Variants in CNTLN observed in about 807,000 individuals in gnomAD.
The protein encoded by CNTLN is centlein.
Under a neutral mutation model 180.0 loss-of-function variants are expected in CNTLN, and 212 were observed. The ratio of observed to expected loss-of-function variants is 1.18; its 90% confidence interval spans 1.05 to 1.32. The LOEUF (loss-of-function observed/expected upper bound fraction) is 1.32, where lower values mean the gene tolerates loss of function less well. Among genes scored for constraint, CNTLN ranks in the 40% most tolerant of loss-of-function variants. CNTLN has a pLI of 0.00. For synonymous variants in CNTLN, 722 were observed against 563.1 expected (o/e 1.28, Z -3.99); for missense variants, 2,095 against 1,610.9 (o/e 1.30, Z -5.14).
At chr9:17,413,950 GAAC>G (rs1174295320) in intron 16 of CNTLN, among the ~76,000 whole-genome samples, 1 of 152,094 alleles carries the variant, frequency 6.6e-6, no homozygotes, top group Non-Finnish European at 1.5e-5. Context: ...TGAAAACTGG[GAAC>G]AACCAAAATT....
At chr9:17,323,919 G>A (rs1820091994) in intron 8 of CNTLN, among the ~76,000 whole-genome samples, 1 of 152,200 alleles carries the variant, frequency 6.6e-6, no homozygotes, top group East Asian at 1.9e-4. Flanking sequence ...GAGAGGTGAT[G>A]ACAGCGTTGT....
chr9:17,480,357 GCA>G (rs1491276850), intron 23 of CNTLN, among the ~76,000 whole-genome samples: 56 of 17,078 alleles, frequency 3.3e-3, no homozygotes, highest in African/African-American at 4.5e-3. Flanking sequence ...AAAATTAATG[GCA>G]AAAAAAAAAA....
intron 18 of CNTLN, chr9:17,447,870 T>C (rs1830535877): frequency 6.5e-6 from 1 of 152,854 alleles, no homozygotes; most frequent in Non-Finnish European, 1.5e-5. Flanking sequence ...CAATTGTTGG[T>C]GTGGCTGGTC....
intron 5 of CNTLN, among the ~76,000 whole-genome samples, chr9:17,267,913 T>C (rs1811381695): frequency 6.6e-6 from 1 of 152,174 alleles, no homozygotes; most frequent in African/African-American, 2.4e-5. Context: ...CTTCTCTGCA[T>C]TAGTTGTTCT....
At chr9:17,193,098 T>G (rs1821894394) in intron 2 of CNTLN, among the ~76,000 whole-genome samples, 1 of 152,108 alleles carries the variant, frequency 6.6e-6, no homozygotes, top group African/African-American at 2.4e-5. Flanking sequence ...CCCCCATGAT[T>G]CAGTTATCTC....
intron 6 of CNTLN, among the ~76,000 whole-genome samples, chr9:17,274,406 T>A (rs1266911942): frequency 6.6e-6 from 1 of 151,944 alleles, no homozygotes; most frequent in Non-Finnish European, 1.5e-5. Context: ...GAAAATAGTA[T>A]GAGAGAGAAT....
chr9:17,195,929 A>G (rs1189322251), intron 2 of CNTLN, among the ~76,000 whole-genome samples: 1 of 152,216 alleles, frequency 6.6e-6, no homozygotes, highest in Non-Finnish European at 1.5e-5. Context: ...GGTGATCTAC[A>G]TAAGATTAAA....
intron 15 of CNTLN, among the ~76,000 whole-genome samples, chr9:17,395,861 A>T (rs755243279): frequency 5.3e-5 from 8 of 152,236 alleles, no homozygotes; most frequent in Non-Finnish European, 1.0e-4. Context: ...GAGCTGGGTA[A>T]AATGAGGCTG....
chr9:17,312,364 T>TATATAATATATATATATATATA (rs369729227), intron 8 of CNTLN, among the ~76,000 whole-genome samples: 2 of 20,186 alleles, frequency 9.9e-5, no homozygotes, highest in African/African-American at 2.3e-4. Flanking sequence ...TATATATATA[T>TATATAATATATATATATATATA]TATATATATA....
At chr9:17,406,085 T>A (rs1263086355) in intron 15 of CNTLN, among the ~76,000 whole-genome samples, 3 of 151,846 alleles carry the variant, frequency 2.0e-5, no homozygotes, top group African/African-American at 7.3e-5. Context: ...CCACCAAGCC[T>A]ATTTCAGCTG....
At chr9:17,146,224 A>G (rs1818450034) in intron 2 of CNTLN, among the ~76,000 whole-genome samples, 1 of 151,852 alleles carries the variant, frequency 6.6e-6, no homozygotes, top group African/African-American at 2.4e-5. Context: ...TCTTCATTGT[A>G]TTCTTTGTTT....
intron 8 of CNTLN, among the ~76,000 whole-genome samples, chr9:17,312,955 T>G (rs1237983968): frequency 6.6e-6 from 1 of 152,198 alleles, no homozygotes; most frequent in Non-Finnish European, 1.5e-5. Flanking sequence ...TTTTTGTTTC[T>G]CCTTTGAGTT....
At chr9:17,247,092 C>G (rs1333923299) in intron 5 of CNTLN, among the ~76,000 whole-genome samples, 3 of 152,106 alleles carry the variant, frequency 2.0e-5, no homozygotes, top group African/African-American at 7.2e-5. Flanking sequence ...ACTGCCTTTG[C>G]TTAGATGATG....
At chr9:17,430,591 C>T (rs1350758976) in intron 18 of CNTLN, among the ~76,000 whole-genome samples, 2 of 152,066 alleles carry the variant, frequency 1.3e-5, no homozygotes, top group East Asian at 1.9e-4. Flanking sequence ...TTGAAACATA[C>T]AATAAATTAT....
chr9:17,287,564 A>G (rs1322316026), intron 6 of CNTLN, among the ~76,000 whole-genome samples: 1 of 150,036 alleles, frequency 6.7e-6, no homozygotes, highest in African/African-American at 2.5e-5. Flanking sequence ...ATTGATTGGA[A>G]TAGTTTCAGA....
chr9:17,194,893 T>C (rs1381046932), intron 2 of CNTLN, among the ~76,000 whole-genome samples: 1 of 152,164 alleles, frequency 6.6e-6, no homozygotes, highest in African/African-American at 2.4e-5. Flanking sequence ...GCCCTTCTTA[T>C]GTGGCAGCGA....
intron 23 of CNTLN, among the ~76,000 whole-genome samples, chr9:17,481,550 G>A (rs113436200): frequency 1.8e-4 from 28 of 152,286 alleles, no homozygotes; most frequent in Admixed American, 7.2e-4. Context: ...CAACTGCAGC[G>A]TACATCTTGC....
chr9:17,507,867 C>T (rs950934740), downstream of CNTLN, among the ~76,000 whole-genome samples: 16 of 152,198 alleles, frequency 1.1e-4, no homozygotes, highest in African/African-American at 3.9e-4. Context: ...AGAGTTTTGA[C>T]ATCAGCTCCT....
chr9:17,212,068 C>A (rs541592703), intron 2 of CNTLN, among the ~76,000 whole-genome samples: 58 of 152,256 alleles, frequency 3.8e-4, no homozygotes, highest in African/African-American at 1.3e-3. Flanking sequence ...CCTTATTGCC[C>A]TGGCCAGAAT....
Sources: gnomAD v4.1 joint callset for allele counts (sites outside exome capture counted in the v4.1 genomes callset) on GRCh38, gnomAD v4.1.1 for gene constraint, MANE v1.5 for transcripts, NCBI Gene and HGNC (gene_info 2026-07-23, HGNC 2026-07-21) for gene names.